The following TBC1D1 variants were observed in gnomAD, a reference collection of about 807,000 sequenced individuals.
TBC1D1 encodes the protein TBC1 domain family member 1.
Under a neutral mutation model 125.6 loss-of-function variants are expected in TBC1D1, and 89 were observed. That is an observed-to-expected ratio of 0.71 (90% CI 0.60 to 0.85). The LOEUF (loss-of-function observed/expected upper bound fraction) is 0.85, where lower values mean the gene tolerates loss of function less well. Among genes scored for constraint, TBC1D1 ranks in the 40% least tolerant of loss-of-function variants. The pLI is 0.00. For synonymous variants in TBC1D1, 565 were observed against 564.1 expected (o/e 1.00, Z -0.02); for missense variants, 1,377 against 1,469.2 (o/e 0.94, Z 1.03).
chr4:37,962,362 C>A (rs1038795448), intron 2 of TBC1D1, among the ~76,000 whole-genome samples: 1 of 152,208 alleles, frequency 6.6e-6, no homozygotes, highest in African/African-American at 2.4e-5. Flanking sequence ...GATTCAAGAA[C>A]CATAGGTGTA....
At chr4:38,068,516 C>G (rs955995772) in intron 12 of TBC1D1, among the ~76,000 whole-genome samples, 4 of 152,166 alleles carry the variant, frequency 2.6e-5, no homozygotes, top group African/African-American at 9.7e-5. Flanking sequence ...TAGTCAGCCT[C>G]TCTGTGCCTG....
chr4:38,095,880 T>C (rs1252050986), intron 13 of TBC1D1, 49 bp from the exon 16 acceptor site: 2 of 1,544,012 alleles, frequency 1.3e-6, no homozygotes, highest in Non-Finnish European at 1.7e-6. Context: ...GTAATGGAAA[T>C]TCCATAGCTG....
intron 7 of TBC1D1, among the ~76,000 whole-genome samples, chr4:38,033,185 A>G (rs771221763): frequency 2.6e-5 from 4 of 152,186 alleles, no homozygotes; most frequent in Non-Finnish European, 5.9e-5. Flanking sequence ...CTCTTACTAT[A>G]TGATTAGCCC....
At position 38,096,614 on chromosome 4, in the gene TBC1D1, T is replaced by A. The variant is rs1578684544; in HGVS notation, c.2398+524T>A. Among the ~76,000 whole-genome samples the A allele has an allele frequency of 2.0e-5, 3 of 152,336 alleles. No homozygotes were observed. In the East Asian group the frequency reaches 5.8e-4, roughly 29 times the overall value. On this transcript the variant is annotated intron_variant, in intron 14 of 19. Transcript: ENST00000261439. ...TGAGGAGCACACAGCATGTGTCTGC[T>A]ATACTGTAAGGCCTTAGAGAGCGGG...
intron 16 of TBC1D1, among the ~76,000 whole-genome samples, chr4:38,117,139 C>G (rs1162434327): frequency 6.6e-6 from 1 of 152,202 alleles, no homozygotes; most frequent in East Asian, 1.9e-4. Context: ...GTTGATTAGA[C>G]AGTCTTCGAT....
intron 15 of TBC1D1, among the ~76,000 whole-genome samples, chr4:38,111,181 G>T (rs1402652749): frequency 6.6e-6 from 1 of 152,198 alleles, no homozygotes; most frequent in Non-Finnish European, 1.5e-5. Flanking sequence ...TACGAATGTG[G>T]ATTGTCCAGG....
chr4:38,072,574 G>C (rs1754885852), intron 12 of TBC1D1, among the ~76,000 whole-genome samples: 2 of 152,222 alleles, frequency 1.3e-5, no homozygotes, highest in South Asian at 2.1e-4. Flanking sequence ...TGGAGAGTCA[G>C]TGTAGTGTCA....
intron 2 of TBC1D1, among the ~76,000 whole-genome samples, chr4:38,005,458 T>C (rs981620442): frequency 3.3e-5 from 5 of 152,206 alleles, no homozygotes; most frequent in Non-Finnish European, 7.3e-5. Context: ...GCAGCTTCAG[T>C]AGGGAGTGTT....
chr4:38,025,527 C>T (rs1308041860), intron 6 of TBC1D1, among the ~76,000 whole-genome samples: 1 of 152,246 alleles, frequency 6.6e-6, no homozygotes, highest in Non-Finnish European at 1.5e-5. Flanking sequence ...GATTGCTTCA[C>T]AGCTGCCGAA....
At chr4:37,913,285 A>T (rs1438217931) in intron 2 of TBC1D1, among the ~76,000 whole-genome samples, 1 of 152,058 alleles carries the variant, frequency 6.6e-6, no homozygotes, top group Non-Finnish European at 1.5e-5. Flanking sequence ...TCCTAACCTG[A>T]TTTTGCTCAG....
chr4:37,894,646 G>A (rs4832740), intron 1 of TBC1D1, among the ~76,000 whole-genome samples: 6,076 of 152,200 alleles, frequency 0.04, 611 homozygotes, highest in East Asian at 0.4. Context: ...ATTTATACAT[G>A]CAAAGTGCTT....
chr4:38,010,089 AT>A (rs1741150587), intron 2 of TBC1D1, among the ~76,000 whole-genome samples: 1 of 152,244 alleles, frequency 6.6e-6, no homozygotes, highest in East Asian at 1.9e-4. Context: ...TTTGCAGTAA[AT>A]ATTGTAATTG....
intron 6 of TBC1D1, among the ~76,000 whole-genome samples, chr4:38,024,375 G>C (rs1421996302): frequency 6.6e-6 from 1 of 152,198 alleles, no homozygotes; most frequent in African/African-American, 2.4e-5. Flanking sequence ...AGCACGATCT[G>C]CAGGAACTGG....
chr4:38,029,374 G>A (rs561803092), intron 7 of TBC1D1, among the ~76,000 whole-genome samples: 20 of 152,148 alleles, frequency 1.3e-4, no homozygotes, highest in African/African-American at 4.1e-4. Flanking sequence ...CTCTCTCTTT[G>A]TTGTTTTTTT....
chr4:37,901,980 A>G (rs541836413), intron 1 of TBC1D1, 23 bp from the exon 2 acceptor site: 2 of 1,049,730 alleles, frequency 1.9e-6, no homozygotes, highest in African/African-American at 1.6e-5. Flanking sequence ...TTAAATTCTA[A>G]TGCCTCTGGT....
At chr4:38,040,225 G>C (rs1183454675) in intron 8 of TBC1D1, among the ~76,000 whole-genome samples, 1 of 152,146 alleles carries the variant, frequency 6.6e-6, no homozygotes, top group East Asian at 1.9e-4. Context: ...ATGCACTTCT[G>C]TCTCTTAGGA....
chr4:37,997,154 A>G (rs1297050192), intron 2 of TBC1D1, among the ~76,000 whole-genome samples: 1 of 152,264 alleles, frequency 6.6e-6, no homozygotes, highest in Non-Finnish European at 1.5e-5. Context: ...CTAATGGTTT[A>G]TCTAAACTCA....
chr4:38,103,670 G>A (rs1028484269), intron 15 of TBC1D1, among the ~76,000 whole-genome samples: 1 of 152,096 alleles, frequency 6.6e-6, no homozygotes, highest in Admixed American at 6.5e-5. Flanking sequence ...ATAAGAAGAT[G>A]GGAACAATAT....
intron 17 of TBC1D1, chr4:38,119,965 C>A (rs1763581031): frequency 4.1e-6 from 4 of 985,358 alleles, no homozygotes; most frequent in Non-Finnish European, 4.8e-6. Flanking sequence ...AGAAATTTTT[C>A]CTTCGGCTCA....
Sources: allele counts gnomAD v4.1 joint callset (sites outside exome capture counted in the v4.1 genomes callset), GRCh38; gene constraint gnomAD v4.1.1; transcripts MANE v1.5; gene names NCBI Gene and HGNC (gene_info 2026-07-23, HGNC 2026-07-21).